The following EHMT2 variants were observed in gnomAD, a reference collection of about 807,000 sequenced individuals.
The protein encoded by EHMT2 is euchromatic histone lysine methyltransferase 2.
Under a neutral mutation model 143.3 loss-of-function variants are expected in EHMT2, and 59 were observed. The observed-to-expected ratio is 0.41, with a 90% CI of 0.33 to 0.51. The LOEUF is 0.51. EHMT2 is among the 20% of genes least tolerant of loss of function. The probability of loss-of-function intolerance (pLI) is 0.18; values close to 1 mark genes in which losing one functional copy is unlikely to be tolerated. For synonymous variants in EHMT2, 604 were observed against 651.5 expected (o/e 0.93, Z 1.11); for missense variants, 1,174 against 1,645.9 (o/e 0.71, Z 4.96).
intron 1 of EHMT2, 63 bp downstream of exon 1, chr6:31,897,573 G>C: frequency 6.3e-6 from 7 of 1,116,868 alleles, no homozygotes; most frequent in Non-Finnish European, 7.7e-6. Flanking sequence ...CATTGCACGG[G>C]CGCGCGCTTC....
rs1236974396 is a variant in EHMT2 at position 31,880,359 on chromosome 6, G to A, written c.3453-95C>T. 4.3e-6 allele frequency: 6 copies of A among 1,387,184 alleles called. No individual in the cohort carries two copies. The highest frequency in any genetic ancestry group is 5.9e-6 in the Non-Finnish European group (6 of 1,013,534). 85.9% of individuals were successfully genotyped at this position (1,387,184 alleles called of 1,614,324 possible). On this transcript the variant is annotated intron_variant, in intron 27 of 27. Transcript: ENST00000375537. The surrounding 1 kb of genome is among the most constrained non-coding windows in gnomAD (Gnocchi z 6.6). ...GGATCCTGCTCCCTGAGAGGGACCC[G>A]ACACCCAACCTATCTTCTCCAGATG... is the stretch of plus-strand genomic sequence containing the variant.
At position 31,880,307 on chromosome 6, in the gene EHMT2, AC is replaced by A; in HGVS notation, c.3453-44del. On this transcript the variant is annotated intron_variant, in intron 27 of 27. Coordinates refer to ENST00000375537, the Ensembl canonical transcript of EHMT2. This position sits in a 1 kb window ranked among gnomAD's most constrained non-coding sequence, Gnocchi z 6.6. ...GAGCTTGTGGGACCTGGACCCAGCCACCAAGAGCCCACCCCGAAGACCCTGT... is the reference window on the plus strand; with the variant it reads ...GAGCTTGTGGGACCTGGACCCAGCCACAAGAGCCCACCCCGAAGACCCTGT... 4 of 1,591,176 alleles carry A rather than the reference AC, an allele frequency of 2.5e-6. No homozygotes were observed. The highest frequency in any genetic ancestry group is 3.4e-6 in the Non-Finnish European group (4 of 1,164,314).
At chr6:31,882,701 G>A (rs140044595) in exon 25 of EHMT2, 340 of 1,612,092 alleles carry the variant, frequency 2.1e-4, no homozygotes, top group African/African-American at 2.1e-3. Flanking sequence ...TGACTTACTC[G>A]CAGATGAAGG....
At position 31,880,217 on chromosome 6, in the gene EHMT2, G is replaced by A. The variant is rs767448450; in HGVS notation, c.3500C>T (p.Thr1167Ile). The change falls in exon 28 of 28, where the codon ACC becomes ATC. Residue 1167 changes from threonine to isoleucine, a missense_variant. Transcript: ENST00000375537. This position sits in a 1 kb window ranked among gnomAD's most constrained non-coding sequence, Gnocchi z 6.6. Reference sequence around the variant, plus strand: ...GCACTTCTCAGAGCCACATTGGCAGGTGAAATATTTGCTTTTGATGTCCCA... The same window carrying A: ...GCACTTCTCAGAGCCACATTGGCAGATGAAATATTTGCTTTTGATGTCCCA... 6.2e-7 allele frequency: 1 copy of A among 1,612,966 alleles called. No homozygotes were observed. The highest frequency in any genetic ancestry group is 8.5e-7 in the Non-Finnish European group (1 of 1,179,974).
chr6:31,894,786 C>CGCA (rs1766151684), intron 4 of EHMT2, among the ~76,000 whole-genome samples: 1 of 150,652 alleles, frequency 6.6e-6, no homozygotes, highest in African/African-American at 2.4e-5. Flanking sequence ...GGATTACAGG[C>CGCA]GCACGCCACC....
exon 14 of EHMT2, chr6:31,887,881 G>C (rs764205288): frequency 6.2e-7 from 1 of 1,611,826 alleles, no homozygotes; most frequent in East Asian, 2.2e-5. Context: ...CAGGGTCAGG[G>C]AGGGCCCTGA....
chr6:31,884,097 T>C lies in EHMT2; in HGVS notation c.2772-147A>G, dbSNP rs1764478763. The stretch of plus-strand genomic sequence containing the variant: ...TAAGATGCAGGACAGCGAGTTAACA[T>C]AGAATTTTAGATAAACAAGAAATAG... On this transcript the variant is annotated intron_variant, in intron 21 of 27. Transcript: ENST00000375537. This position sits in a 1 kb window ranked among gnomAD's most constrained non-coding sequence, Gnocchi z 7.3. 1.2e-5 allele frequency: 11 copies of C among 889,746 alleles called. No homozygotes were observed. The highest frequency in any genetic ancestry group is 3.4e-4 in the Middle Eastern group (1 of 2,938). 55.1% of individuals were successfully genotyped at this position (889,746 alleles called of 1,614,324 possible).
chr6:31,888,019 T>C lies in EHMT2; in HGVS notation c.1745+22A>G. ...TAGGGGTGGGGGAGGGAACAGACAG[T>C]ACAGAAGGGGGAGGCCAGTACCTGG... is the stretch of plus-strand genomic sequence containing the variant. On this transcript the variant is annotated intron_variant, in intron 13 of 27. Transcript: ENST00000375537. This position sits in a 1 kb window ranked among gnomAD's most constrained non-coding sequence, Gnocchi z 7.4. 1 of 1,571,682 alleles carries C rather than the reference T, an allele frequency of 6.4e-7. No individual in the cohort carries two copies. The highest frequency in any genetic ancestry group is 8.6e-7 in the Non-Finnish European group (1 of 1,159,240).
chr6:31,897,322 C>A, intron 1 of EHMT2: 1 of 524,962 alleles, frequency 1.9e-6, no homozygotes, highest in Non-Finnish European at 2.9e-6. Context: ...GGACCCCGGG[C>A]ACCAACCCCT....
chr6:31,880,530 C>T lies in EHMT2; in HGVS notation c.3452+143G>A. 1.0e-6 allele frequency: 1 copy of T among 984,458 alleles called. No homozygotes were observed. The highest frequency in any genetic ancestry group is 1.5e-6 in the Non-Finnish European group (1 of 678,902). 61.0% of individuals were successfully genotyped at this position (984,458 alleles called of 1,614,324 possible). ...CACAGGACTGTTTCCCCAAGTCCTC[C>T]AGGAAATACTTATGTACACTGAAAT... is the stretch of plus-strand genomic sequence containing the variant. On this transcript the variant is annotated intron_variant, in intron 27 of 27. Coordinates refer to ENST00000375537, the Ensembl canonical transcript of EHMT2. The surrounding 1 kb of genome is among the most constrained non-coding windows in gnomAD (Gnocchi z 6.6).
chr6:31,897,612 G>A, intron 1 of EHMT2, 24 bp downstream of exon 1: 2 of 1,141,964 alleles, frequency 1.8e-6, no homozygotes, highest in Non-Finnish European at 2.1e-6. Context: ...GCATGCACCC[G>A]CCTCTCCCCC....
Position 31,880,105 on chromosome 6 carries a change from G to C in EHMT2, c.3612C>G (p.Ser1204=). 6.2e-7 allele frequency: 1 copy of C among 1,612,744 alleles called. No individual in the cohort carries two copies. The highest frequency in any genetic ancestry group is 8.5e-7 in the Non-Finnish European group (1 of 1,179,960). The change falls in exon 28 of 28, where the codon TCC becomes TCG. Residue 1204 remains serine, a synonymous_variant. Transcript: ENST00000375537. This position sits in a 1 kb window ranked among gnomAD's most constrained non-coding sequence, Gnocchi z 6.6. ...GTTCTCATGTGTTGACAGGGGGCAG[G>C]GAGCCGAGCTCGGGCAGCAGCTCAG...
chr6:31,896,490 A>T (rs755038517), exon 4 of EHMT2: 2 of 1,612,636 alleles, frequency 1.2e-6, no homozygotes, highest in Admixed American at 1.7e-5. Context: ...TTGCTGGGGG[A>T]AGAGGGGAAT....
chr6:31,888,808 G>A lies in EHMT2; in HGVS notation c.1217-61C>T, dbSNP rs1765270570. 6.9e-6 allele frequency: 11 copies of A among 1,588,368 alleles called. No homozygotes were observed. The highest frequency in any genetic ancestry group is 8.6e-6 in the Non-Finnish European group (10 of 1,168,518). On this transcript the variant is annotated intron_variant, in intron 10 of 27. Coordinates refer to ENST00000375537, the Ensembl canonical transcript of EHMT2. The surrounding 1 kb of genome is among the most constrained non-coding windows in gnomAD (Gnocchi z 7.4). ...TGCACCTCACCTACTGGGACCCCTG[G>A]CGGGTCCTCTCACTCCCTCCCTACC...
rs373721772 is a variant in EHMT2, at chr6:31,884,726, C to T, written c.2522G>A (p.Arg841His). 57 of 1,598,728 alleles carry T rather than the reference C, an allele frequency of 3.6e-5. No individual in the cohort carries two copies. Among genetic ancestry groups the T allele is most frequent in the Non-Finnish European group, 4.5e-5 (53 of 1,172,720 alleles). Residue 841 changes from arginine (R) to histidine (H), a missense_variant, in exon 20 of 28, where the codon CGC becomes CAC. Transcript: ENST00000375537. This position sits in a 1 kb window ranked among gnomAD's most constrained non-coding sequence, Gnocchi z 7.3. ...GTAGTTGACAGCATGGAGGTCACAG[C>T]GCGCATTCAGAAGGACTTCGGCGAT...
rs374202005 is a variant in EHMT2, at chr6:31,888,451, C to T, written c.1421G>A (p.Arg474His). Residue 474 changes from arginine to histidine, a missense_variant, in exon 12 of 28, where the codon CGT becomes CAT. Physicochemically the swap from Arg to His is conservative, Grantham distance 29. Transcript: ENST00000375537. This position sits in a 1 kb window ranked among gnomAD's most constrained non-coding sequence, Gnocchi z 7.4. ...CTCACAGAGCACCATCAGGGCCACA[C>T]GGCTGGATGGCCTCATGGTCTCCCG... 3.2e-5 allele frequency: 52 copies of T among 1,612,754 alleles called. No individual in the cohort carries two copies. The highest frequency in any genetic ancestry group is 1.6e-4 in the Middle Eastern group (1 of 6,084).
At chr6:31,890,110 G>A (rs1562502534) in intron 7 of EHMT2, among the ~76,000 whole-genome samples, 1 of 152,170 alleles carries the variant, frequency 6.6e-6, no homozygotes, top group Non-Finnish European at 1.5e-5. Context: ...GGCACCTGAA[G>A]CTGATTCCGC....
At chr6:31,892,861 C>G in exon 5 of EHMT2, 1 of 1,600,866 alleles carries the variant, frequency 6.2e-7, no homozygotes, top group Non-Finnish European at 8.5e-7. Flanking sequence ...GACATCATCA[C>G]TCATGCGGAA....
intron 25 of EHMT2, 166 bp downstream of exon 25, chr6:31,882,533 G>C (rs1422534422): frequency 1.4e-6 from 1 of 701,214 alleles, no homozygotes. Context: ...GTCAGAGGCG[G>C]CTGGCTGCTC....
Sources: allele counts gnomAD v4.1 joint callset (sites outside exome capture counted in the v4.1 genomes callset), GRCh38; gene constraint gnomAD v4.1.1; non-coding constraint Gnocchi (gnomAD v3.1); transcripts MANE v1.5; gene names NCBI Gene and HGNC (gene_info 2026-07-23, HGNC 2026-07-21).